The following HMGB1 variants were observed in gnomAD, a reference collection of about 807,000 sequenced individuals.
HMGB1 encodes the protein high mobility group box 1.
For synonymous variants in HMGB1, 81 were observed against 84.0 expected (o/e 0.96, Z 0.19); for missense variants, 79 against 253.5 (o/e 0.31, Z 4.67).
chr13:30,460,900 A>C lies in HMGB1; in HGVS notation c.*457T>G, dbSNP rs1886281688. The C allele has an allele frequency of 2.7e-6, 2 of 752,468 alleles. No individual in the cohort carries two copies. Among genetic ancestry groups the C allele is most frequent in the East Asian group, 1.3e-4 (1 of 7,712 alleles). 46.6% of individuals were successfully genotyped at this position (752,468 alleles called of 1,614,324 possible). A position where few individuals can be genotyped will look rare whatever the true frequency, so the allele number is the denominator to read the frequency against. ...TATGAAAAGGACAACAATACTAATA[A>C]AAAAAATTGTATTTACTTAGAAGCA... On this transcript the variant is annotated 3_prime_UTR_variant, in exon 5 of 5. Transcript: ENST00000341423.
chr13:30,564,414 T>C (rs7985897), intron 1 of HMGB1, among the ~76,000 whole-genome samples: 149,964 of 152,236 alleles, frequency 0.99, 73,913 homozygotes, highest in East Asian at 1. Flanking sequence ...TGCAATGAGC[T>C]GAGAATACAC....
At chr13:30,498,654 ATTATTAT>A (rs1887666627) in intron 1 of HMGB1, among the ~76,000 whole-genome samples, 2 of 149,116 alleles carry the variant, frequency 1.3e-5, no homozygotes, top group Admixed American at 6.7e-5. Flanking sequence ...TATTATTATT[ATTATTAT>A]TATTAAGACG....
intron 1 of HMGB1, among the ~76,000 whole-genome samples, chr13:30,526,758 G>C (rs1888376578): frequency 6.6e-6 from 1 of 152,164 alleles, no homozygotes; most frequent in African/African-American, 2.4e-5. Context: ...AACCAGAAAG[G>C]GGCCTCTGCC....
chr13:30,608,350 G>A (rs936078025), intron 1 of HMGB1, among the ~76,000 whole-genome samples: 1 of 152,032 alleles, frequency 6.6e-6, no homozygotes, highest in Non-Finnish European at 1.5e-5. Context: ...AACTGAAGTT[G>A]TAACTTCATA....
intron 1 of HMGB1, among the ~76,000 whole-genome samples, chr13:30,607,413 G>A (rs888617125): frequency 1.2e-4 from 18 of 150,926 alleles, no homozygotes; most frequent in African/African-American, 1.5e-4. Flanking sequence ...TGGTTTAAAC[G>A]CATGGGACTT....
intron 1 of HMGB1, among the ~76,000 whole-genome samples, chr13:30,477,437 G>A (rs1450373234): frequency 1.3e-5 from 2 of 152,292 alleles, no homozygotes; most frequent in African/African-American, 4.8e-5. Context: ...GAGGCTGATT[G>A]AATAGGACAG....
rs569764860 is a variant in HMGB1, at chr13:30,551,149, G to A, written c.-15+65522C>T. On this transcript the variant is annotated intron_variant, in intron 1 of 4. Transcript: ENST00000405805. ...TAAACACAGTTTAAAAAATTTTATC[G>A]AATACCTACTATAATGCAAGCAGTA... 3.4e-4 allele frequency among the ~76,000 whole-genome samples: 52 copies of A among 152,210 alleles called. No homozygotes were observed. The South Asian group carries it at 5.0e-3, about 15-fold the overall frequency.
chr13:30,496,794 A>AT (rs1204264178), intron 1 of HMGB1, among the ~76,000 whole-genome samples: 6 of 151,954 alleles, frequency 3.9e-5, no homozygotes, highest in Admixed American at 3.9e-4. Flanking sequence ...GTGTTTTGGG[A>AT]TTTTTTACTG....
chr13:30,529,029 A>AG (rs1491380434), intron 1 of HMGB1, among the ~76,000 whole-genome samples: 3 of 47,936 alleles, frequency 6.3e-5, no homozygotes, highest in Middle Eastern at 0.013. Flanking sequence ...ACTGCGTCTC[A>AG]AAAAAAAAAA....
rs565863543 is a variant in HMGB1, at chr13:30,482,083, A to G, written c.-14-18389T>C. ...GATCTCAAGTGATCTGCCTGCCTCGAGGTATTCTTAGTCTTAAATGTGCTA... is the reference window on the plus strand; with the variant it reads ...GATCTCAAGTGATCTGCCTGCCTCGGGGTATTCTTAGTCTTAAATGTGCTA... On this transcript the variant is annotated intron_variant, in intron 1 of 4. Transcript: ENST00000405805. 5.9e-5 allele frequency among the ~76,000 whole-genome samples: 9 copies of G among 152,134 alleles called. No individual in the cohort carries two copies. In the South Asian group the frequency reaches 1.7e-3, roughly 28 times the overall value.
chr13:30,563,838 T>C (rs1403015270), intron 1 of HMGB1, among the ~76,000 whole-genome samples: 2 of 152,174 alleles, frequency 1.3e-5, no homozygotes, highest in Non-Finnish European at 2.9e-5. Flanking sequence ...AATGAAGATG[T>C]GGTTTAAGGA....
In HMGB1 at chr13:30,460,834, G is replaced by A. The variant is rs534259054; in HGVS notation, c.*523C>T. ...TTCATGTGATTCAAAATGGGCAAAA[G>A]CAAAAGACTAGCTTCCCCTCAAGAA... On this transcript the variant is annotated 3_prime_UTR_variant, in exon 5 of 5. Transcript: ENST00000341423. 6.5e-6 allele frequency: 1 copy of A among 153,350 alleles called. No homozygotes were observed. Among genetic ancestry groups the A allele is most frequent in the East Asian group, 1.9e-4 (1 of 5,196 alleles). The allele number at this position is 153,350 out of a possible 1,614,324, so 9.5% of individuals were successfully genotyped here.
Position 30,598,952 on chromosome 13 carries a change from A to AAT in HMGB1, c.-15+17717_-15+17718dup, listed in dbSNP as rs1871739168. ...CATATATATGTGTATATACATATAT[A>AAT]ATATATTGTGTGTGTATGTGTGTGT... On this transcript the variant is annotated intron_variant, in intron 1 of 4. Coordinates refer to the HMGB1 transcript ENST00000405805. Among the ~76,000 whole-genome samples, 3 of 152,036 alleles carry AAT rather than the reference A, an allele frequency of 2.0e-5. No homozygotes were observed. In the South Asian group the frequency reaches 6.2e-4, roughly 32 times the overall value.
chr13:30,474,757 TCC>T (rs1593264197), intron 1 of HMGB1, among the ~76,000 whole-genome samples: 1 of 125,116 alleles, frequency 8.0e-6, no homozygotes, highest in Non-Finnish European at 1.7e-5. Context: ...GGTCTCTCTC[TCC>T]TTTTTTTTTT....
At position 30,615,480 on chromosome 13, in the gene HMGB1, G is replaced by T. The variant is rs865994475; in HGVS notation, c.-15+1191C>A. On this transcript the variant is annotated intron_variant, in intron 1 of 4. Coordinates refer to the HMGB1 transcript ENST00000405805. ...AATATAGTTTCAGCAAAACACATGG[G>T]ATAAAGACTATATACAGCTTCTCAA... Among the ~76,000 whole-genome samples, 3 of 152,158 alleles carry T rather than the reference G, an allele frequency of 2.0e-5. No individual in the cohort carries two copies. The South Asian group carries it at 6.2e-4, about 32-fold the overall frequency.
At chr13:30,496,981 T>C (rs748447636) in intron 1 of HMGB1, among the ~76,000 whole-genome samples, 1 of 152,152 alleles carries the variant, frequency 6.6e-6, no homozygotes, top group Admixed American at 6.6e-5. Flanking sequence ...TCAGTGCTCA[T>C]ATTCCTCTAC....
chr13:30,611,031 G>C (rs1191519606), intron 1 of HMGB1, among the ~76,000 whole-genome samples: 13 of 152,142 alleles, frequency 8.5e-5, no homozygotes, highest in Non-Finnish European at 1.9e-4. Context: ...TCATTAAACT[G>C]ACCCTCAATT....
chr13:30,470,437 C>T (rs546202638), upstream of HMGB1, among the ~76,000 whole-genome samples: 6 of 152,132 alleles, frequency 3.9e-5, no homozygotes, highest in South Asian at 2.1e-4. Flanking sequence ...ATCTCATTGA[C>T]GTAACTTAAA....
intron 1 of HMGB1, among the ~76,000 whole-genome samples, chr13:30,571,722 C>T (rs1340197440): frequency 6.6e-6 from 1 of 152,106 alleles, no homozygotes; most frequent in Non-Finnish European, 1.5e-5. Flanking sequence ...CCATCTGAAT[C>T]TACAGAAAAC....
Sources: allele counts gnomAD v4.1 joint callset (sites outside exome capture counted in the v4.1 genomes callset), GRCh38; gene constraint gnomAD v4.1.1; transcripts MANE v1.5; gene names NCBI Gene and HGNC (gene_info 2026-07-23, HGNC 2026-07-21).